Variants in KAZN observed in about 807,000 individuals in gnomAD.
The protein encoded by KAZN is kazrin, periplakin interacting protein, also known as kazrin.
A neutral mutation model predicts 87.4 loss-of-function variants in KAZN; 40 were observed. That is an observed-to-expected ratio of 0.46 (90% CI 0.36 to 0.60). The LOEUF (loss-of-function observed/expected upper bound fraction) is 0.60, where lower values mean the gene tolerates loss of function less well. Among genes scored for constraint, KAZN ranks in the 20% least tolerant of loss-of-function variants. The pLI is 0.00. For synonymous variants in KAZN, 466 were observed against 458.3 expected, an observed-to-expected ratio of 1.02 and a Z score of -0.22; for missense variants, 898 against 1,073.9, an observed-to-expected ratio of 0.84 and a Z score of 2.29.
intron 2 of KAZN, among the ~76,000 whole-genome samples, chr1:14,576,315 T>C (rs1443774965): frequency 6.6e-6 from 1 of 151,244 alleles, no homozygotes; most frequent in Non-Finnish European, 1.5e-5. Context: ...GATGGATGGA[T>C]GGATGGATGG....
chr1:14,880,608 G>A (rs1653234159), intron 1 of KAZN, among the ~76,000 whole-genome samples: 1 of 152,166 alleles, frequency 6.6e-6, no homozygotes. Flanking sequence ...AGAGGCTCCT[G>A]CTGGGCTGGA....
intron 1 of KAZN, among the ~76,000 whole-genome samples, chr1:14,959,854 G>C (rs576714482): frequency 6.6e-6 from 1 of 152,242 alleles, no homozygotes. Context: ...GGTTGACACG[G>C]CTCTCACTTT....
intron 2 of KAZN, among the ~76,000 whole-genome samples, chr1:14,444,145 T>A (rs748455977): frequency 6.6e-6 from 1 of 152,088 alleles, no homozygotes; most frequent in African/African-American, 2.4e-5. Context: ...CTCTCAAACT[T>A]TGAATTGCAA....
At chr1:14,670,215 C>T (rs1442759509) in intron 1 of KAZN, among the ~76,000 whole-genome samples, 1 of 151,996 alleles carries the variant, frequency 6.6e-6, no homozygotes, top group African/African-American at 2.4e-5. Context: ...TCTCTCCCCA[C>T]AAGATAGTTC....
chr1:14,658,462 T>C (rs1572155123), intron 1 of KAZN, among the ~76,000 whole-genome samples: 1 of 152,174 alleles, frequency 6.6e-6, no homozygotes, highest in African/African-American at 2.4e-5. Context: ...GGGGCAGTTA[T>C]GTGAACCAAT....
In KAZN at chr1:14,025,920, C is replaced by G. The variant is rs993828136; in HGVS notation, c.91+132164C>G. ...TGTTTAGAGACTATAGACTCTTCAA[C>G]TGGATGCAGAGTATGGAGCTATAGT... On this transcript the variant is annotated intron_variant, in intron 1 of 16. Coordinates refer to the KAZN transcript ENST00000636203. Among the ~76,000 whole-genome samples, 30 of 152,220 alleles carry G rather than the reference C, an allele frequency of 2.0e-4. No individual in the cohort carries two copies. The South Asian group carries it at 2.3e-3, about 12-fold the overall frequency.
intron 1 of KAZN, among the ~76,000 whole-genome samples, chr1:14,901,580 A>G (rs906586254): frequency 2.6e-5 from 4 of 152,140 alleles, no homozygotes; most frequent in Non-Finnish European, 5.9e-5. Flanking sequence ...GTGATCGTCC[A>G]GGGGAGAGAT....
At chr1:14,356,227 C>T (rs1350434630) in intron 2 of KAZN, among the ~76,000 whole-genome samples, 1 of 151,330 alleles carries the variant, frequency 6.6e-6, no homozygotes, top group African/African-American at 2.4e-5. Context: ...TAAATGTCTT[C>T]TTTTGAGAAG....
At chr1:14,868,925 G>C (rs557887754) in intron 1 of KAZN, among the ~76,000 whole-genome samples, 1 of 151,984 alleles carries the variant, frequency 6.6e-6, no homozygotes, top group Admixed American at 6.6e-5. Context: ...CGGGGTTGGC[G>C]GGGGGGTGCA....
rs182273432 is a variant in KAZN at position 14,845,783 on chromosome 1, A to G, written c.227-114901A>G. ...GAATTAAACATTTAAGGACTTTATTATGGAAAATATCTGTGAGGGAAAATG... is the reference window on the plus strand; with the variant it reads ...GAATTAAACATTTAAGGACTTTATTGTGGAAAATATCTGTGAGGGAAAATG... On this transcript the variant is annotated intron_variant, in intron 1 of 14. Transcript: ENST00000376030. Among the ~76,000 whole-genome samples the G allele has an allele frequency of 2.4e-4, 37 of 152,278 alleles. No homozygotes were observed. The East Asian group carries it at 6.6e-3, about 27-fold the overall frequency.
At chr1:14,053,051 G>A (rs761161) in intron 1 of KAZN, among the ~76,000 whole-genome samples, 38,876 of 152,064 alleles carry the variant, frequency 0.26, 5,624 homozygotes, top group African/African-American at 0.39. Flanking sequence ...AGAACACAGC[G>A]AAGGTGGTGG....
intron 2 of KAZN, among the ~76,000 whole-genome samples, chr1:14,562,505 T>C (rs1674317443): frequency 6.6e-6 from 1 of 152,188 alleles, no homozygotes; most frequent in Non-Finnish European, 1.5e-5. Context: ...CGGTGGATTG[T>C]CATTGATATC....
chr1:14,243,125 T>C (rs1284914966), intron 2 of KAZN, among the ~76,000 whole-genome samples: 1 of 152,154 alleles, frequency 6.6e-6, no homozygotes, highest in Non-Finnish European at 1.5e-5. Context: ...CCCTCCACCA[T>C]GCCACTACAC....
chr1:14,054,943 T>C (rs1642488430), intron 1 of KAZN, among the ~76,000 whole-genome samples: 1 of 152,178 alleles, frequency 6.6e-6, no homozygotes, highest in African/African-American at 2.4e-5. Flanking sequence ...TCAGCTCCAT[T>C]GACATTTTGG....
At chr1:14,066,192 T>C (rs115563335) in intron 1 of KAZN, among the ~76,000 whole-genome samples, 2,401 of 152,340 alleles carry the variant, frequency 0.016, 60 homozygotes, top group African/African-American at 0.056. Context: ...TATTCTATGA[T>C]GTATATTTTC....
intron 1 of KAZN, among the ~76,000 whole-genome samples, chr1:14,860,948 G>A (rs1326716489): frequency 1.3e-5 from 2 of 152,172 alleles, no homozygotes; most frequent in Non-Finnish European, 2.9e-5. Flanking sequence ...GTGGCTAAGC[G>A]TTTCGCCTTC....
At chr1:15,085,272 A>C (rs925313498) in intron 8 of KAZN, among the ~76,000 whole-genome samples, 3 of 152,250 alleles carry the variant, frequency 2.0e-5, no homozygotes, top group Non-Finnish European at 4.4e-5. Context: ...AATTAAAATT[A>C]AATACAACTA....
intron 2 of KAZN, among the ~76,000 whole-genome samples, chr1:14,297,196 C>T (rs554565944): frequency 7.7e-4 from 118 of 152,282 alleles, no homozygotes; most frequent in African/African-American, 2.8e-3. Context: ...ACATCCTTGT[C>T]AGGGCCTGTG....
rs570137739 is a variant in KAZN at position 13,900,602 on chromosome 1, T to C, written c.91+6846T>C. On this transcript the variant is annotated intron_variant, in intron 1 of 16. Transcript: ENST00000636203. The stretch of plus-strand genomic sequence containing the variant: ...AGCACGGGCCTCCCACATCACTACA[T>C]CAGAAGTAGTCTTATTTCTCCAGAG... Among the ~76,000 whole-genome samples the C allele has an allele frequency of 7.2e-5, 11 of 152,272 alleles. No individual in the cohort carries two copies. In the South Asian group the frequency reaches 2.3e-3, roughly 32 times the overall value.
Sources: gnomAD v4.1 joint callset for allele counts (sites outside exome capture counted in the v4.1 genomes callset) on GRCh38, gnomAD v4.1.1 for gene constraint, MANE v1.5 for transcripts, NCBI Gene and HGNC (gene_info 2026-07-23, HGNC 2026-07-21) for gene names.